Variants in SDCCAG8 observed in about 807,000 individuals in gnomAD.
SDCCAG8 encodes serologically defined colon cancer antigen 8.
SDCCAG8 carries 74 observed loss-of-function variants against 101.8 expected under a neutral mutation model. The observed-to-expected ratio is 0.73, with a 90% confidence interval of 0.60 to 0.88. The LOEUF (loss-of-function observed/expected upper bound fraction) is 0.88. Among genes scored for constraint, SDCCAG8 ranks in the 40% least tolerant of loss-of-function variants. SDCCAG8 has a pLI of 0.00. For synonymous variants in SDCCAG8, 281 were observed against 292.9 expected (o/e 0.96, Z 0.41); for missense variants, 787 against 822.6 (o/e 0.96, Z 0.53).
intron 16 of SDCCAG8, among the ~76,000 whole-genome samples, chr1:243,485,549 G>T (rs1410374488): frequency 6.6e-6 from 1 of 152,192 alleles, no homozygotes; most frequent in African/African-American, 2.4e-5. Flanking sequence ...CAATGAAATA[G>T]CCATTAACAG....
chr1:243,344,122 T>A, intron 11 of SDCCAG8, 93 bp from the exon 12 acceptor site: 1 of 956,672 alleles, frequency 1.0e-6, no homozygotes, highest in African/African-American at 1.6e-5. Context: ...GTATTTTATC[T>A]ATATGACCTC....
At chr1:243,439,622 TCACACACACACACACACACA>T (rs60044857) in intron 16 of SDCCAG8, among the ~76,000 whole-genome samples, 1 of 120,144 alleles carries the variant, frequency 8.3e-6, no homozygotes, top group Admixed American at 8.4e-5. Context: ...TGAGACTCCA[TCACACACACACACACACACA>T]CACACACACA....
chr1:243,304,815 C>G (rs1371003458), intron 7 of SDCCAG8, 38 bp downstream of exon 7: 1 of 1,140,294 alleles, frequency 8.8e-7, no homozygotes, highest in East Asian at 2.3e-5. Flanking sequence ...ATACCAAAAG[C>G]ATAATGATCT....
Position 243,330,335 on chromosome 1 carries a change from A to G in SDCCAG8, c.1069-205A>G, listed in dbSNP as rs901356414. Among the ~76,000 whole-genome samples the G allele has an allele frequency of 3.3e-5, 5 of 152,338 alleles. No individual in the cohort carries two copies. In the South Asian group the frequency reaches 1.0e-3, roughly 32 times the overall value. ...TTGATTAATTAATATGGCTTTAATC[A>G]TGAAAATTGAAATATGTCAATAAAT... is the stretch of plus-strand genomic sequence containing the variant. On this transcript the variant is annotated intron_variant, in intron 9 of 17. Coordinates refer to ENST00000366541, the MANE Select transcript of SDCCAG8 (RefSeq NM_006642.5).
chr1:243,299,674 AC>A (rs1437139282), intron 6 of SDCCAG8, among the ~76,000 whole-genome samples: 2 of 152,118 alleles, frequency 1.3e-5, no homozygotes, highest in African/African-American at 2.4e-5. Flanking sequence ...TCGGCCTCCC[AC>A]AGTGCTGGGA....
At chr1:243,475,498 G>A (rs1662228581) in intron 16 of SDCCAG8, among the ~76,000 whole-genome samples, 1 of 152,110 alleles carries the variant, frequency 6.6e-6, no homozygotes, top group South Asian at 2.1e-4. Context: ...GGAAGGATGT[G>A]TATGGGGCTC....
chr1:243,453,290 C>A (rs992384179), intron 16 of SDCCAG8, among the ~76,000 whole-genome samples: 1 of 152,154 alleles, frequency 6.6e-6, no homozygotes, highest in Admixed American at 6.6e-5. Flanking sequence ...GTAAATTACA[C>A]TCTTCTTGGT....
chr1:243,384,286 C>T, intron 13 of SDCCAG8, among the ~76,000 whole-genome samples: 1 of 152,124 alleles, frequency 6.6e-6, no homozygotes, highest in Non-Finnish European at 1.5e-5. Context: ...AAAATGGTGA[C>T]TGTATTCCAA....
intron 9 of SDCCAG8, among the ~76,000 whole-genome samples, chr1:243,330,224 T>A (rs903399917): frequency 6.6e-6 from 1 of 152,212 alleles, no homozygotes; most frequent in Non-Finnish European, 1.5e-5. Flanking sequence ...TTGAAAATAT[T>A]AGAACACTTG....
intron 7 of SDCCAG8, 96 bp downstream of exon 7, chr1:243,304,873 A>G (rs1249781781): frequency 9.9e-6 from 8 of 805,656 alleles, no homozygotes; most frequent in African/African-American, 1.7e-5. Flanking sequence ...AGTCATTATC[A>G]GACTTACTTG....
intron 16 of SDCCAG8, among the ~76,000 whole-genome samples, chr1:243,478,801 A>T (rs993312362): frequency 2.0e-5 from 3 of 151,738 alleles, no homozygotes; most frequent in Non-Finnish European, 4.4e-5. Context: ...CACTGAAAAT[A>T]AAAAAAATTA....
rs559966502 is a variant in SDCCAG8 at position 243,307,067 on chromosome 1, T to G, written c.741-922T>G. On this transcript the variant is annotated intron_variant, in intron 7 of 17. Transcript: ENST00000366541. ...AGCTAGAAAGTTTTTTTTTGTTTTT[T>G]TTTTTTTTGAAGTACAAAAGAACCA... Among the ~76,000 whole-genome samples, 580 of 151,732 alleles carry G rather than the reference T, an allele frequency of 3.8e-3. 4 individuals are homozygous for G. Among genetic ancestry groups the G allele is most frequent in the African/African-American group, 0.013 (546 of 41,312 alleles).
intron 16 of SDCCAG8, among the ~76,000 whole-genome samples, chr1:243,427,363 A>G (rs923859424): frequency 1.3e-5 from 2 of 152,032 alleles, no homozygotes; most frequent in Non-Finnish European, 2.9e-5. Context: ...ACAGCCTCTT[A>G]CTATTTTTTA....
intron 16 of SDCCAG8, among the ~76,000 whole-genome samples, chr1:243,469,336 C>G (rs1001851129): frequency 6.6e-6 from 1 of 152,112 alleles, no homozygotes; most frequent in Non-Finnish European, 1.5e-5. Flanking sequence ...GTATATGTAG[C>G]TACCTACAAA....
At chr1:243,390,630 T>C (rs1573759139) in intron 13 of SDCCAG8, among the ~76,000 whole-genome samples, 1 of 152,260 alleles carries the variant, frequency 6.6e-6, no homozygotes, top group East Asian at 1.9e-4. Context: ...AAATCTCCAC[T>C]GGGGATGCAC....
chr1:243,352,660 C>A (rs1264374839), intron 12 of SDCCAG8, among the ~76,000 whole-genome samples: 1 of 152,336 alleles, frequency 6.6e-6, no homozygotes, highest in East Asian at 1.9e-4. Context: ...CTAATTACTA[C>A]ATATGCATAC....
chr1:243,454,423 C>T (rs752589696), intron 16 of SDCCAG8, among the ~76,000 whole-genome samples: 2 of 152,078 alleles, frequency 1.3e-5, no homozygotes, highest in African/African-American at 2.4e-5. Flanking sequence ...GGTTCGCTCA[C>T]GTTTGGTTAT....
In SDCCAG8 at chr1:243,300,158, T is replaced by A. The variant is rs2071362146; in HGVS notation, c.676-4555T>A. On this transcript the variant is annotated intron_variant, in intron 6 of 17. Coordinates refer to ENST00000366541, the MANE Select transcript of SDCCAG8 (RefSeq NM_006642.5). ...GATTACAGGCGTGAGCCACTGTGCC[T>A]GGCCATGAATTAATTATTTTTATGA... Among the ~76,000 whole-genome samples, 4 of 152,138 alleles carry A rather than the reference T, an allele frequency of 2.6e-5. No homozygotes were observed. In the South Asian group the frequency reaches 8.3e-4, roughly 31 times the overall value.
At chr1:243,352,566 G>A (rs1158291012) in intron 12 of SDCCAG8, among the ~76,000 whole-genome samples, 1 of 152,162 alleles carries the variant, frequency 6.6e-6, no homozygotes, top group Non-Finnish European at 1.5e-5. Context: ...CAAGCTGAGA[G>A]ACATTAGACA....
Sources: gnomAD v4.1 joint callset for allele counts (sites outside exome capture counted in the v4.1 genomes callset) on GRCh38, gnomAD v4.1.1 for gene constraint, MANE v1.5 for transcripts, NCBI Gene and HGNC (gene_info 2026-07-23, HGNC 2026-07-21) for gene names.